FBN3: variants seen among roughly 807,000 people sequenced by gnomAD.
FBN3 encodes the protein fibrillin-3.
Under a neutral mutation model 330.1 loss-of-function variants are expected in FBN3, and 234 were observed. That is an observed-to-expected ratio of 0.71 (90% CI 0.64 to 0.79). The LOEUF is 0.79. FBN3 is among the 30% of genes least tolerant of loss of function. The pLI, the probability that FBN3 is intolerant of heterozygous loss-of-function variation, is 0.00. For missense variants in FBN3, 3,606 were observed against 3,886.9 expected (o/e 0.93, Z 1.92); for synonymous variants, 1,458 against 1,517.3 (o/e 0.96, Z 0.91).
At chr19:8,132,124 C>A (rs951764334) in intron 14 of FBN3, among the ~76,000 whole-genome samples, 2 of 152,106 alleles carry the variant, frequency 1.3e-5, no homozygotes, top group Non-Finnish European at 1.5e-5. Context: ...TAGCTCACTG[C>A]GGCCTCCAAC....
intron 6 of FBN3, among the ~76,000 whole-genome samples, chr19:8,144,675 A>G (rs1382479151): frequency 6.6e-6 from 1 of 151,852 alleles, no homozygotes; most frequent in Non-Finnish European, 1.5e-5. Flanking sequence ...ACTCCAACAC[A>G]GGTGCTCGCT....
At chr19:8,071,949 C>T in intron 63 of FBN3, 99 bp downstream of exon 63, 1 of 1,263,620 alleles carries the variant, frequency 7.9e-7, no homozygotes, top group Non-Finnish European at 1.1e-6. Flanking sequence ...CCTGGTGCTC[C>T]TTCTTGGGGG....
At chr19:8,103,503 T>C in intron 39 of FBN3, 59 bp downstream of exon 39, 1 of 1,572,194 alleles carries the variant, frequency 6.4e-7, no homozygotes, top group Non-Finnish European at 8.7e-7. Flanking sequence ...CAGCAGTTCC[T>C]CCCATGCCCA....
chr19:8,099,529 C>T (rs576090347), intron 41 of FBN3, among the ~76,000 whole-genome samples: 255 of 151,808 alleles, frequency 1.7e-3, no homozygotes, highest in African/African-American at 5.9e-3. Context: ...ATCCGCCTGC[C>T]TCGGCCTCCC....
At position 8,073,276 on chromosome 19, in the gene FBN3, G is replaced by A. The variant is rs771566504; in HGVS notation, c.7724C>T (p.Ser2575Leu). 39 of 1,613,684 alleles carry A rather than the reference G, an allele frequency of 2.4e-5. No homozygotes were observed. In the Admixed American group the frequency reaches 3.2e-4, roughly 13 times the overall value. Residue 2575 changes from serine (S) to leucine (L), a missense_variant, in exon 62 of 64, where the codon TCG becomes TTG. Transcript: ENST00000600128. ...GGAGGCGCTCCCGCAGGTGGGGGGC[G>A]ACAGGGCACACTCATTCTCATCTGT... ...QCVDENECAL[S>L]PPTCGSASCR...
At chr19:8,090,935 G>A (rs904762790) in intron 48 of FBN3, among the ~76,000 whole-genome samples, 29 of 152,210 alleles carry the variant, frequency 1.9e-4, no homozygotes, top group African/African-American at 5.8e-4. Context: ...CAGAAAGCCC[G>A]AGGATCCAAA....
At chr19:8,070,634 T>C (rs2081490861) in intron 63 of FBN3, among the ~76,000 whole-genome samples, 1 of 152,218 alleles carries the variant, frequency 6.6e-6, no homozygotes, top group Non-Finnish European at 1.5e-5. Flanking sequence ...GCCATATCCA[T>C]GGAATCTCTG....
chr19:8,135,935 T>TGGGGG, intron 13 of FBN3, 26 bp downstream of exon 13: 6 of 1,344,144 alleles, frequency 4.5e-6, no homozygotes, highest in East Asian at 2.7e-5. Context: ...CGGAAGCCCC[T>TGGGGG]GCCCACCCGC....
At chr19:8,113,523 C>G (rs2082635794) in intron 30 of FBN3, among the ~76,000 whole-genome samples, 1 of 152,128 alleles carries the variant, frequency 6.6e-6, no homozygotes. Flanking sequence ...AGTCACCATG[C>G]CTGATCAACA....
intron 59 of FBN3, among the ~76,000 whole-genome samples, chr19:8,077,223 G>T (rs1041310989): frequency 1.3e-5 from 2 of 152,318 alleles, no homozygotes; most frequent in Admixed American, 1.3e-4. Context: ...CCCATGGCTG[G>T]TATACTGCAT....
At position 8,096,167 on chromosome 19, in the gene FBN3, C is replaced by A; in HGVS notation, c.5540-87G>T. ...TGAGAGGCCAGCTGGACCTAGCACT[C>A]CTCCCCTGCACCTAGCCCTGCCTAG... On this transcript the variant is annotated intron_variant, in intron 44 of 63. Transcript: ENST00000600128. The surrounding 1 kb of genome is among the most constrained non-coding windows in gnomAD (Gnocchi z 4.6). 1 of 1,041,218 alleles carries A rather than the reference C, an allele frequency of 9.6e-7. No homozygotes were observed. The highest frequency in any genetic ancestry group is 1.5e-6 in the Non-Finnish European group (1 of 662,560). 64.5% of individuals were successfully genotyped at this position (1,041,218 alleles called of 1,614,324 possible).
At position 8,096,463 on chromosome 19, in the gene FBN3, T is replaced by A; in HGVS notation, c.5520A>T (p.Ala1840=). 2 of 1,613,986 alleles carry A rather than the reference T, an allele frequency of 1.2e-6. No individual in the cohort carries two copies. Among genetic ancestry groups the A allele is most frequent in the Non-Finnish European group, 1.7e-6 (2 of 1,179,938 alleles). ...TCTCACCCATGCACAGGGTCTGGTC[T>A]GCAGAGGCCTGGAATCCACGGTGAC... ...CLCHRGFQAS[A]DQTLCMDIDE... The change falls in exon 44 of 64, where the codon GCA becomes GCT. Residue 1840 remains alanine, a synonymous_variant. Coordinates refer to ENST00000600128, the MANE Select transcript of FBN3 (RefSeq NM_032447.5). The surrounding 1 kb of genome is among the most constrained non-coding windows in gnomAD (Gnocchi z 4.6).
rs2082355027 is a variant in FBN3, at chr19:8,102,819, A to G, written c.4994T>C (p.Leu1665Pro). ...CATTTTCCGGGTCACGTTGAAGGCC[A>G]GCTCATTTTGACATGTGCCGTTATA... Reference protein sequence around the residue: ...RHYNGTCQNELAFNVTRKMCC... With the variant: ...RHYNGTCQNEPAFNVTRKMCC... Residue 1665 changes from leucine (L) to proline (P), a missense_variant, in exon 40 of 64, where the codon CTG (leucine) becomes CCG (proline). Physicochemically the swap from Leu to Pro is moderately conservative, Grantham distance 98. Coordinates refer to ENST00000600128, the MANE Select transcript of FBN3 (RefSeq NM_032447.5). The G allele has an allele frequency of 6.2e-7, 1 of 1,613,978 alleles. No individual in the cohort carries two copies.
chr19:8,113,262 C>G (rs1457416174), intron 30 of FBN3, among the ~76,000 whole-genome samples: 1 of 151,776 alleles, frequency 6.6e-6, no homozygotes, highest in Non-Finnish European at 1.5e-5. Context: ...CCTGTTTCTA[C>G]AAAAACACTT....
Position 8,128,523 on chromosome 19 carries a change from A to C in FBN3, c.2296+505T>G, listed in dbSNP as rs139214755. Reference sequence around the variant, plus strand: ...GGTTGCAGTGAGCTGAGATCGTGCCACTGCACTCCAGCCTGGGTGATAGAG... The same window carrying C: ...GGTTGCAGTGAGCTGAGATCGTGCCCCTGCACTCCAGCCTGGGTGATAGAG... On this transcript the variant is annotated intron_variant, in intron 18 of 63. Transcript: ENST00000600128. 2.2e-4 allele frequency among the ~76,000 whole-genome samples: 33 copies of C among 151,890 alleles called. 1 individual carries two copies. The East Asian group carries it at 6.2e-3, about 28-fold the overall frequency.
intron 24 of FBN3, among the ~76,000 whole-genome samples, chr19:8,122,555 C>CG (rs1321586746): frequency 6.6e-6 from 1 of 150,814 alleles, no homozygotes; most frequent in Non-Finnish European, 1.5e-5. Flanking sequence ...TTAGTAGAGA[C>CG]GGGGTATTGC....
intron 30 of FBN3, among the ~76,000 whole-genome samples, chr19:8,114,332 C>T (rs756945746): frequency 6.6e-6 from 1 of 152,186 alleles, no homozygotes; most frequent in Non-Finnish European, 1.5e-5. Context: ...TCACTGCAAC[C>T]TCCGCCTCCT....
chr19:8,069,186 G>A (rs2081458873), intron 63 of FBN3, among the ~76,000 whole-genome samples: 1 of 152,156 alleles, frequency 6.6e-6, no homozygotes, highest in Non-Finnish European at 1.5e-5. Context: ...AGCTTCCGCT[G>A]TGCTTCCTGC....
At chr19:8,145,731 C>T (rs2083525625) in intron 5 of FBN3, 112 bp downstream of exon 5, 3 of 653,004 alleles carry the variant, frequency 4.6e-6, no homozygotes, top group Non-Finnish European at 7.8e-6. Flanking sequence ...CCCCTGCAAT[C>T]TCCAGTCCAG....
Sources: gnomAD v4.1 joint callset for allele counts (sites outside exome capture counted in the v4.1 genomes callset) on GRCh38, gnomAD v4.1.1 for gene constraint, Gnocchi (gnomAD v3.1) non-coding constraint, MANE v1.5 for transcripts, NCBI Gene and HGNC (gene_info 2026-07-23, HGNC 2026-07-21) for gene names.